Variants in PAX7 observed in about 807,000 individuals in gnomAD.
The protein encoded by PAX7 is paired box protein Pax-7.
Under a neutral mutation model 50.7 loss-of-function variants are expected in PAX7, and 18 were observed. The observed-to-expected ratio is 0.36, with a 90% CI of 0.25 to 0.53. PAX7 has a LOEUF of 0.53. PAX7 is among the 20% of genes least tolerant of loss of function. The pLI is 0.93. For missense variants in PAX7, 644 were observed against 702.9 expected (o/e 0.92, Z 0.95); for synonymous variants, 310 against 290.4 (o/e 1.07, Z -0.69).
At chr1:18,643,339 C>T (rs536237535) in intron 4 of PAX7, among the ~76,000 whole-genome samples, 1 of 151,854 alleles carries the variant, frequency 6.6e-6, no homozygotes, top group South Asian at 2.1e-4. Flanking sequence ...GCGCTGGGCC[C>T]GAGCTCCGGT....
chr1:18,675,659 G>A (rs1164303741), intron 4 of PAX7, among the ~76,000 whole-genome samples: 1 of 152,204 alleles, frequency 6.6e-6, no homozygotes, highest in South Asian at 2.1e-4. Flanking sequence ...AAGCCGAAAT[G>A]AGCCCCCGGC....
At chr1:18,709,792 C>T (rs989192126) in intron 7 of PAX7, among the ~76,000 whole-genome samples, 1 of 152,146 alleles carries the variant, frequency 6.6e-6, no homozygotes, top group Non-Finnish European at 1.5e-5. Flanking sequence ...CCAGAGCTCA[C>T]GATGCTACTG....
At chr1:18,706,271 C>T (rs1210427573) in intron 7 of PAX7, among the ~76,000 whole-genome samples, 1 of 152,134 alleles carries the variant, frequency 6.6e-6, no homozygotes, top group African/African-American at 2.4e-5. Context: ...CCTGCATCCT[C>T]TCTTCCCAAC....
chr1:18,723,120 G>T (rs1188101810), intron 7 of PAX7, among the ~76,000 whole-genome samples: 1 of 152,200 alleles, frequency 6.6e-6, no homozygotes, highest in Non-Finnish European at 1.5e-5. Context: ...ACCCTAGAAT[G>T]CTTCCAGCTG....
At chr1:18,686,273 T>G (rs1218219027) in intron 4 of PAX7, among the ~76,000 whole-genome samples, 1 of 152,208 alleles carries the variant, frequency 6.6e-6, no homozygotes, top group African/African-American at 2.4e-5. Flanking sequence ...CAGTATGGAC[T>G]GCTCCACATC....
At position 18,748,403 on chromosome 1, in the gene PAX7, G is replaced by T. The variant is rs1192538815; in HGVS notation, c.*3474G>T. The T allele has an allele frequency of 8.6e-6, 2 of 231,226 alleles. No homozygotes were observed. The highest frequency in any genetic ancestry group is 6.1e-5 in the East Asian group (1 of 16,384). The allele number at this position is 231,226 out of a possible 1,614,324, so 14.3% of individuals were successfully genotyped here. On this transcript the variant is annotated 3_prime_UTR_variant, in exon 9 of 9. Coordinates refer to ENST00000420770, the MANE Select transcript of PAX7 (RefSeq NM_001135254.2). ...CTCGCACTATTGGACACTTTTTGGG[G>T]GTACACAGGTCTTCTCTCCTCCCCT...
chr1:18,638,252 GAAGGA>G (rs953503429), intron 4 of PAX7, among the ~76,000 whole-genome samples: 1 of 152,232 alleles, frequency 6.6e-6, no homozygotes, highest in African/African-American at 2.4e-5. Context: ...AAAGGGAAGG[GAAGGA>G]AAGGAAGAGG....
intron 7 of PAX7, among the ~76,000 whole-genome samples, chr1:18,721,509 C>T (rs887815189): frequency 3.3e-5 from 5 of 152,198 alleles, no homozygotes; most frequent in African/African-American, 1.2e-4. Flanking sequence ...GCCACATGGC[C>T]GTGACTGAGT....
Position 18,735,663 on chromosome 1 carries a change from T to C in PAX7, c.1187T>C (p.Val396Ala). The part of the protein sequence containing the change: ...VMSILGNPSA[V>A]PPQPQADFSI... ...AGCATCTTGGGCAACCCCAGTGCGG[T>C]GCCCCCGCAGCCACAGGCTGACTTC... Residue 396 changes from valine to alanine, a missense_variant, in exon 8 of 9, where the codon GTG becomes GCG. By Grantham distance (64) the Val-to-Ala change is moderately conservative. Coordinates refer to ENST00000420770, the MANE Select transcript of PAX7 (RefSeq NM_001135254.2). This position sits in a 1 kb window ranked among gnomAD's most constrained non-coding sequence, Gnocchi z 4.0. The C allele has an allele frequency of 6.2e-7, 1 of 1,613,872 alleles. No homozygotes were observed. Among genetic ancestry groups the C allele is most frequent in the Non-Finnish European group, 8.5e-7 (1 of 1,179,904 alleles).
At position 18,747,295 on chromosome 1, in the gene PAX7, A is replaced by G; in HGVS notation, c.*2366A>G. On this transcript the variant is annotated 3_prime_UTR_variant, in exon 9 of 9. Coordinates refer to ENST00000420770, the MANE Select transcript of PAX7 (RefSeq NM_001135254.2). ...CCAGATATCTGGTCCCGATGGTGAA[A>G]TGGAACAAAGACCTGCTTGGGAATA... 4.4e-6 allele frequency: 1 copy of G among 229,570 alleles called. No individual in the cohort carries two copies. 14.2% of individuals were successfully genotyped at this position (229,570 alleles called of 1,614,324 possible). A position where few individuals can be genotyped will look rare whatever the true frequency, so the allele number is the denominator to read the frequency against.
Position 18,746,331 on chromosome 1 carries a change from C to T in PAX7, c.*1402C>T, listed in dbSNP as rs1220491550. 4.3e-6 allele frequency: 1 copy of T among 230,342 alleles called. No individual in the cohort carries two copies. Among genetic ancestry groups the T allele is most frequent in the Non-Finnish European group, 8.6e-6 (1 of 116,334 alleles). The allele number at this position is 230,342 out of a possible 1,614,324, so 14.3% of individuals were successfully genotyped here. A position where few individuals can be genotyped will look rare whatever the true frequency, so the allele number is the denominator to read the frequency against. On this transcript the variant is annotated 3_prime_UTR_variant, in exon 9 of 9. Coordinates refer to ENST00000420770, the MANE Select transcript of PAX7 (RefSeq NM_001135254.2). ...TGGGCAGAGGAAGATGTCAACAATT[C>T]CAGAGCAGAGGGAAGAGGCACCTTC...
intron 4 of PAX7, among the ~76,000 whole-genome samples, chr1:18,657,799 C>T (rs1386965248): frequency 6.6e-6 from 1 of 152,026 alleles, no homozygotes; most frequent in South Asian, 2.1e-4. Context: ...ATTGAGAATG[C>T]CCCCTAAAAA....
At chr1:18,685,964 T>C (rs2088968355) in intron 4 of PAX7, among the ~76,000 whole-genome samples, 1 of 152,140 alleles carries the variant, frequency 6.6e-6, no homozygotes, top group African/African-American at 2.4e-5. Flanking sequence ...GGCCGGACTT[T>C]GCCCGGCCAA....
chr1:18,694,492 AT>A (rs2089124871), intron 5 of PAX7, among the ~76,000 whole-genome samples: 1 of 142,798 alleles, frequency 7.0e-6, no homozygotes, highest in Non-Finnish European at 1.6e-5. Context: ...AAATAAATAA[AT>A]AAATAAATAA....
intron 4 of PAX7, among the ~76,000 whole-genome samples, chr1:18,639,867 C>T (rs1445688073): frequency 1.3e-5 from 2 of 152,072 alleles, no homozygotes; most frequent in African/African-American, 4.8e-5. Flanking sequence ...CCAGGGGCTC[C>T]GCTTTGTTCT....
intron 7 of PAX7, among the ~76,000 whole-genome samples, chr1:18,727,315 A>G (rs1335691347): frequency 6.6e-6 from 1 of 151,668 alleles, no homozygotes; most frequent in Non-Finnish European, 1.5e-5. Context: ...TCACACATGC[A>G]CACACAGTAT....
In PAX7 at chr1:18,700,690, A is replaced by C. The variant is rs948768845; in HGVS notation, c.824A>C (p.Gln275Pro). ...AACCGCCGCGCCCGTTGGCGTAAGCAGGCAGGAGCCAACCAGCTGGCGGCG... is the reference window on the plus strand; with the variant it reads ...AACCGCCGCGCCCGTTGGCGTAAGCCGGCAGGAGCCAACCAGCTGGCGGCG... ...FSNRRARWRK[Q>P]AGANQLAAFN... The change falls in exon 6 of 9, where the codon CAG becomes CCG. Residue 275 changes from glutamine (Q) to proline (P), a missense_variant. Coordinates refer to ENST00000420770, the MANE Select transcript of PAX7 (RefSeq NM_001135254.2). This position sits in a 1 kb window ranked among gnomAD's most constrained non-coding sequence, Gnocchi z 4.8. 2 of 1,594,126 alleles carry C rather than the reference A, an allele frequency of 1.3e-6. No homozygotes were observed. Among genetic ancestry groups the C allele is most frequent in the Admixed American group, 1.7e-5 (1 of 57,310 alleles).
intron 7 of PAX7, among the ~76,000 whole-genome samples, chr1:18,713,294 A>T (rs558812205): frequency 2.3e-4 from 35 of 152,244 alleles, no homozygotes; most frequent in African/African-American, 8.2e-4. Context: ...GTTGTCAGGG[A>T]CCATGGTCTT....
chr1:18,656,118 C>G (rs76036634), intron 4 of PAX7, among the ~76,000 whole-genome samples: 1 of 152,142 alleles, frequency 6.6e-6, no homozygotes, highest in Non-Finnish European at 1.5e-5. Flanking sequence ...GCATCTAATG[C>G]GCTTATAACA....
Sources: allele counts gnomAD v4.1 joint callset (sites outside exome capture counted in the v4.1 genomes callset), GRCh38; gene constraint gnomAD v4.1.1; non-coding constraint Gnocchi (gnomAD v3.1); transcripts MANE v1.5; gene names NCBI Gene and HGNC (gene_info 2026-07-23, HGNC 2026-07-21).